Variants in NOS1 observed in about 807,000 individuals in gnomAD.
NOS1 encodes NOS type I.
A neutral mutation model predicts 164.5 loss-of-function variants in NOS1; 51 were observed. The ratio of observed to expected loss-of-function variants is 0.31; its 90% CI spans 0.25 to 0.39. The LOEUF is 0.39. Ranked by LOEUF, NOS1 falls within the 10% of genes least tolerant of loss-of-function variation. The pLI is 1.00. For synonymous variants in NOS1, 719 were observed against 745.8 expected, an observed-to-expected ratio of 0.96 and a Z score of 0.59; for missense variants, 1,362 against 1,885.6, an observed-to-expected ratio of 0.72 and a Z score of 5.14.
chr12:117,307,107 C>T (rs1266517835), intron 3 of NOS1, among the ~76,000 whole-genome samples: 1 of 152,186 alleles, frequency 6.6e-6, no homozygotes, highest in African/African-American at 2.4e-5. Context: ...GACCAGTCTG[C>T]CATTGCTCAG....
chr12:117,279,104 C>T (rs1330320029), intron 8 of NOS1, among the ~76,000 whole-genome samples: 6 of 151,966 alleles, frequency 3.9e-5, no homozygotes, highest in Non-Finnish European at 7.4e-5. Context: ...ATGGGCCGGG[C>T]GCGGTGGCTC....
rs934236066 is a variant in NOS1, at chr12:117,208,438, G to A, written c.*6871C>T. On this transcript the variant is annotated 3_prime_UTR_variant, in exon 29 of 29. Transcript: ENST00000317775. ...TGTGTGTGTGGTGAGATGCGACCAG[G>A]TCTGCCCACCTCCCCAGCTTCCCAA... is the stretch of plus-strand genomic sequence containing the variant. The A allele has an allele frequency of 2.4e-6, 3 of 1,263,894 alleles. No individual in the cohort carries two copies. Among genetic ancestry groups the A allele is most frequent in the Non-Finnish European group, 3.1e-6 (3 of 977,430 alleles). The allele number at this position is 1,263,894 out of a possible 1,614,324, so 78.3% of individuals were successfully genotyped here.
intron 1 of NOS1, among the ~76,000 whole-genome samples, chr12:117,333,946 C>T (rs1875674863): frequency 6.6e-6 from 1 of 152,176 alleles, no homozygotes; most frequent in Admixed American, 6.5e-5. Context: ...CTCTCTTGAG[C>T]ATCCCGTTTG....
intron 6 of NOS1, 136 bp downstream of exon 6, chr12:117,285,968 G>T: frequency 2.2e-6 from 2 of 902,464 alleles, no homozygotes; most frequent in Non-Finnish European, 3.3e-6. Flanking sequence ...GTGGGACCCC[G>T]TGACCATCAT....
chr12:117,288,059 T>G lies in NOS1; in HGVS notation c.1127+15A>C. ...ATAACTTACCTCGGGCTCCCCGGAA[T>G]TGACACACACTTGCCTTTTAATTGA... On this transcript the variant is annotated intron_variant, in intron 5 of 28. Transcript: ENST00000317775. 6.2e-7 allele frequency: 1 copy of G among 1,613,396 alleles called. No homozygotes were observed. Among genetic ancestry groups the G allele is most frequent in the Non-Finnish European group, 8.5e-7 (1 of 1,179,392 alleles).
Position 117,218,131 on chromosome 12 carries a change from C to T in NOS1, c.4204G>A (p.Val1402Ile). The T allele has an allele frequency of 6.2e-7, 1 of 1,614,088 alleles. No homozygotes were observed. The highest frequency in any genetic ancestry group is 8.5e-7 in the Non-Finnish European group (1 of 1,179,964). The change falls in exon 28 of 29, where the codon GTC becomes ATC. Residue 1402 changes from valine (V) to isoleucine (I), a missense_variant. By Grantham distance (29) the Val-to-Ile change is conservative. Around this residue, in one of 4 missense-constraint regions of NOS1, gnomAD observed 737 missense variants for 1,030.3 expected, o/e 0.72. Coordinates refer to ENST00000317775, the MANE Select transcript of NOS1 (RefSeq NM_000620.5). ...GTCACTTCGTACGTTCGCAGGGTGA[C>T]TCCAAAAATATCCTCATGGTATCGG... ...DNRYHEDIFG[V>I]TLRTYEVTNR... is the part of the protein sequence containing the mutation.
chr12:117,231,887 A>G, intron 22 of NOS1, 75 bp downstream of exon 22: 2 of 1,449,588 alleles, frequency 1.4e-6, no homozygotes, highest in South Asian at 2.5e-5. Flanking sequence ...AAGCCTGGTA[A>G]TAACAGTTTT....
At chr12:117,254,177 G>A (rs1018965691) in intron 16 of NOS1, among the ~76,000 whole-genome samples, 10 of 152,138 alleles carry the variant, frequency 6.6e-5, no homozygotes, top group South Asian at 2.1e-4. Flanking sequence ...GCACGGCCTC[G>A]TCTCACTGCA....
intron 3 of NOS1, among the ~76,000 whole-genome samples, chr12:117,306,376 A>G (rs1353989303): frequency 6.6e-6 from 1 of 150,556 alleles, no homozygotes; most frequent in Non-Finnish European, 1.5e-5. Context: ...TCATTGTCAC[A>G]TCCTGCAAAG....
chr12:117,257,481 C>T (rs976217445), intron 16 of NOS1, among the ~76,000 whole-genome samples: 1 of 152,114 alleles, frequency 6.6e-6, no homozygotes, highest in Admixed American at 6.6e-5. Flanking sequence ...ATATTTTTGA[C>T]TACAGGTATG....
chr12:117,231,980 A>T lies in NOS1; in HGVS notation c.3387T>A (p.Arg1129=), dbSNP rs777168723. Residue 1129 remains arginine (R), a synonymous_variant, in exon 22 of 29, where the codon CGT becomes CGA. Coordinates refer to ENST00000317775, the MANE Select transcript of NOS1 (RefSeq NM_000620.5). ...GACCCACCTTGCTGAGGACCAGCAG[A>T]CGCTGCTTCTCCTTCTCGCTGGTAG... The part of the protein sequence containing the change: ...SLATSEKEKQ[R]LLVLSKGLQE... 2.5e-6 allele frequency: 4 copies of T among 1,612,678 alleles called. No individual in the cohort carries two copies. The highest frequency in any genetic ancestry group is 2.2e-5 in the South Asian group (2 of 90,792).
chr12:117,253,539 A>G, intron 17 of NOS1, 99 bp downstream of exon 17: 1 of 790,854 alleles, frequency 1.3e-6, no homozygotes, highest in East Asian at 2.4e-5. Context: ...ATGAATGGAC[A>G]CTACCTCTCC....
chr12:117,324,586 G>A (rs1022533260), intron 2 of NOS1, among the ~76,000 whole-genome samples: 1 of 152,086 alleles, frequency 6.6e-6, no homozygotes, highest in Non-Finnish European at 1.5e-5. Context: ...AAAACAATTA[G>A]CTGGGCATGG....
At chr12:117,244,058 G>A (rs1162502009) in intron 18 of NOS1, among the ~76,000 whole-genome samples, 1 of 152,204 alleles carries the variant, frequency 6.6e-6, no homozygotes, top group Admixed American at 6.5e-5. Context: ...GATGTGTGTA[G>A]AGGTTTAACA....
rs1877163437 is a variant in NOS1 at position 117,361,609 on chromosome 12, A to T, written c.-518T>A. On this transcript the variant is annotated 5_prime_UTR_variant, in exon 1 of 29. Coordinates refer to ENST00000317775, the MANE Select transcript of NOS1 (RefSeq NM_000620.5). ...CAGCGGCTGGAAACGCGGCATAAAT[A>T]TGTAGGGACTGAGCCGTGAGCTCAG... 1 of 151,812 alleles carries T rather than the reference A, an allele frequency of 6.6e-6. No homozygotes were observed. Among genetic ancestry groups the T allele is most frequent in the Non-Finnish European group, 1.5e-5 (1 of 67,916 alleles). The allele number at this position is 151,812 out of a possible 1,614,324, so 9.4% of individuals were successfully genotyped here. A position where few individuals can be genotyped will look rare whatever the true frequency, so the allele number is the denominator to read the frequency against.
chr12:117,219,307 T>TG (rs200785441), intron 27 of NOS1, among the ~76,000 whole-genome samples: 3 of 150,418 alleles, frequency 2.0e-5, no homozygotes, highest in African/African-American at 7.4e-5. Flanking sequence ...TGTTTTGTTT[T>TG]TTTTGTTTTT....
At chr12:117,271,338 C>T (rs904665981) in intron 10 of NOS1, among the ~76,000 whole-genome samples, 3 of 151,040 alleles carry the variant, frequency 2.0e-5, no homozygotes, top group African/African-American at 7.3e-5. Flanking sequence ...AGTACAGTGG[C>T]GCAATCTCGG....
chr12:117,281,839 A>G (rs1253360178), intron 7 of NOS1, among the ~76,000 whole-genome samples: 1 of 150,096 alleles, frequency 6.7e-6, no homozygotes, highest in Non-Finnish European at 1.5e-5. Context: ...CAAAAAAAGA[A>G]AAAAAAAAAA....
chr12:117,280,948 C>A lies in NOS1; in HGVS notation c.1383-82G>T, dbSNP rs1873600584. On this transcript the variant is annotated intron_variant, in intron 7 of 28. Coordinates refer to ENST00000317775, the MANE Select transcript of NOS1 (RefSeq NM_000620.5). ...ATACTAAACATGGCGCCACCCAGGG[C>A]GACAGCTGCTTGAGGCTCAGGGTAG... The A allele has an allele frequency of 3.3e-6, 5 of 1,505,450 alleles. No homozygotes were observed. In the Admixed American group the frequency reaches 7.4e-5, roughly 22 times the overall value. 93.3% of individuals were successfully genotyped at this position (1,505,450 alleles called of 1,614,324 possible). A position where few individuals can be genotyped will look rare whatever the true frequency, so the allele number is the denominator to read the frequency against.
Sources: gnomAD v4.1 joint callset for allele counts (sites outside exome capture counted in the v4.1 genomes callset) on GRCh38, gnomAD v4.1.1 for gene constraint, gnomAD v4.1.1 regional missense constraint, MANE v1.5 for transcripts, NCBI Gene and HGNC (gene_info 2026-07-23, HGNC 2026-07-21) for gene names.